Variants in RAB6A observed in about 807,000 individuals in gnomAD.
RAB6A encodes ras-related protein Rab-6A.
RAB6A carries 8 observed loss-of-function variants against 32.3 expected under a neutral mutation model. The observed-to-expected ratio is 0.25, with a 90% CI of 0.15 to 0.45. The LOEUF (loss-of-function observed/expected upper bound fraction) is 0.45. RAB6A is among the 20% of genes least tolerant of loss of function. The pLI is 1.00. For synonymous variants in RAB6A, 73 were observed against 82.1 expected, an observed-to-expected ratio of 0.89 and a Z score of 0.60; for missense variants, 104 against 249.4, an observed-to-expected ratio of 0.42 and a Z score of 3.93.
At position 73,755,866 on chromosome 11, in the gene RAB6A, GAAGAAC is replaced by G. The variant is rs1054772738; in HGVS notation, c.70+4694_70+4699del. Among the ~76,000 whole-genome samples, 10 of 109,742 alleles carry G rather than the reference GAAGAAC, an allele frequency of 9.1e-5. No individual in the cohort carries two copies. The South Asian group carries it at 1.7e-3, about 19-fold the overall frequency. 72.0% of individuals were successfully genotyped at this position (109,742 alleles called of 152,430 possible). A position where few individuals can be genotyped will look rare whatever the true frequency, so the allele number is the denominator to read the frequency against. ...AGAGAAAGAAGAGGAGGAGGAGGAA[GAAGAAC>G]AAGAGGAGGAGGAGAAGGAAGAGGA... On this transcript the variant is annotated intron_variant, in intron 1 of 7. Coordinates refer to ENST00000336083, the MANE Select transcript of RAB6A (RefSeq NM_198896.2).
rs1375517505 is a variant in RAB6A, at chr11:73,722,323, ATATATATATATATATATATATTT to A, written c.130-1447_130-1425del. 13 of 7,858 alleles carry A rather than the reference ATATATATATATATATATATATTT, an allele frequency of 1.7e-3. 2 individuals are homozygous for A. The highest frequency in any genetic ancestry group is 3.9e-3 in the African/African-American group (12 of 3,116). The allele number at this position is 7,858 out of a possible 1,614,324, so 0.5% of individuals were successfully genotyped here. ...TGTGTGTGTATATATATATATATAT[ATATATATATATATATATATATTT>A]TTTTTTTTTTTTTTTTTTTTTGAGA... On this transcript the variant is annotated intron_variant, in intron 2 of 7. Coordinates refer to ENST00000336083, the MANE Select transcript of RAB6A (RefSeq NM_198896.2).
chr11:73,749,717 C>T (rs1240629860), intron 1 of RAB6A, among the ~76,000 whole-genome samples: 1 of 152,132 alleles, frequency 6.6e-6, no homozygotes, highest in Admixed American at 6.6e-5. Flanking sequence ...TAAAAATTAG[C>T]CAGGTGTGGT....
At chr11:73,755,858 A>C (rs1409950949) in intron 1 of RAB6A, among the ~76,000 whole-genome samples, 4 of 109,252 alleles carry the variant, frequency 3.7e-5, no homozygotes, top group Non-Finnish European at 9.0e-5. Flanking sequence ...GAAGAGGAGG[A>C]GGAGGAAGAA....
At chr11:73,743,462 T>C (rs978095684) in intron 1 of RAB6A, among the ~76,000 whole-genome samples, 4 of 152,162 alleles carry the variant, frequency 2.6e-5, no homozygotes, top group African/African-American at 2.4e-5. Flanking sequence ...AGGACCTTTA[T>C]GTCAAACTTG....
At chr11:73,754,289 T>C (rs1026415563) in intron 1 of RAB6A, among the ~76,000 whole-genome samples, 5 of 152,234 alleles carry the variant, frequency 3.3e-5, no homozygotes, top group Admixed American at 3.3e-4. Context: ...ATTGACTTGA[T>C]ATTACCTAAC....
intron 6 of RAB6A, among the ~76,000 whole-genome samples, chr11:73,686,878 G>A (rs1474667488): frequency 1.3e-5 from 2 of 152,026 alleles, no homozygotes; most frequent in African/African-American, 4.8e-5. Flanking sequence ...CTACTTGGGA[G>A]TATATATTCA....
At chr11:73,747,436 A>ACCCCCCCCCCCCC (rs35103580) in intron 1 of RAB6A, among the ~76,000 whole-genome samples, 4 of 140,230 alleles carry the variant, frequency 2.9e-5, no homozygotes, top group African/African-American at 8.3e-5. Context: ...TGTGATCGGA[A>ACCCCCCCCCCCCC]CCCCCCCCCG....
intron 1 of RAB6A, among the ~76,000 whole-genome samples, chr11:73,754,412 TG>T (rs1288645987): frequency 6.6e-6 from 1 of 152,238 alleles, no homozygotes; most frequent in Non-Finnish European, 1.5e-5. Context: ...AGATGTTATT[TG>T]AATTTTTCAC....
intron 6 of RAB6A, among the ~76,000 whole-genome samples, chr11:73,694,363 G>A (rs554290833): frequency 4.6e-5 from 7 of 152,176 alleles, no homozygotes; most frequent in Non-Finnish European, 1.0e-4. Context: ...TAAAGAATTT[G>A]CCATAGACCA....
At position 73,687,091 on chromosome 11, in the gene RAB6A, T is replaced by C. The variant is rs147693354; in HGVS notation, c.496-7371A>G. On this transcript the variant is annotated intron_variant, in intron 6 of 7. Coordinates refer to ENST00000336083, the MANE Select transcript of RAB6A (RefSeq NM_198896.2). ...ACACCTACTACAATATGGATGCATCTTGAGGACATTATGCAAGTGAAACAA... is the reference window on the plus strand; with the variant it reads ...ACACCTACTACAATATGGATGCATCCTGAGGACATTATGCAAGTGAAACAA... Among the ~76,000 whole-genome samples the C allele has an allele frequency of 8.6e-3, 1,302 of 152,194 alleles. 6 individuals carry two copies. Among genetic ancestry groups the C allele is most frequent in the Non-Finnish European group, 0.015 (1,008 of 68,014 alleles).
chr11:73,695,379 G>GTTTT (rs71469463), intron 6 of RAB6A, among the ~76,000 whole-genome samples: 5 of 147,180 alleles, frequency 3.4e-5, no homozygotes, highest in Non-Finnish European at 3.0e-5. Flanking sequence ...CAGTTTTTTT[G>GTTTT]TTTTTTTTTT....
At chr11:73,705,767 TGAGAGAGAGAGAGAGAGAGAGA>T (rs3046616) in intron 6 of RAB6A, among the ~76,000 whole-genome samples, 2 of 134,728 alleles carry the variant, frequency 1.5e-5, no homozygotes, top group African/African-American at 5.7e-5. Context: ...ATAATTCCGA[TGAGAGAGAGAGAGAGAGAGAGA>T]GAGAGAGAGA....
At chr11:73,704,257 C>G in intron 6 of RAB6A, 2 of 378,284 alleles carry the variant, frequency 5.3e-6, no homozygotes, top group Non-Finnish European at 1.1e-5. Context: ...GTGGTGTGTG[C>G]CTGTAGTCCC....
At chr11:73,705,945 C>G (rs1445335783) in intron 6 of RAB6A, among the ~76,000 whole-genome samples, 1 of 151,780 alleles carries the variant, frequency 6.6e-6, no homozygotes, top group African/African-American at 2.4e-5. Context: ...GACATCTAAA[C>G]TGAAACTTAT....
At chr11:73,712,981 G>C (rs1945987692) in intron 5 of RAB6A, among the ~76,000 whole-genome samples, 1 of 152,148 alleles carries the variant, frequency 6.6e-6, no homozygotes, top group Non-Finnish European at 1.5e-5. Context: ...GATTGCCAAA[G>C]TGCTGGGAGG....
intron 6 of RAB6A, among the ~76,000 whole-genome samples, chr11:73,684,344 T>G (rs1455697344): frequency 1.3e-5 from 2 of 152,078 alleles, no homozygotes; most frequent in Non-Finnish European, 2.9e-5. Context: ...AAATTTTGTA[T>G]TTTTAGTAGA....
chr11:73,719,018 T>G, intron 3 of RAB6A: 2 of 782,990 alleles, frequency 2.6e-6, no homozygotes, highest in South Asian at 4.1e-5. Context: ...TGCAAGAGGT[T>G]GCAGGGAGTG....
At chr11:73,752,651 C>CT (rs1261326327) in intron 1 of RAB6A, among the ~76,000 whole-genome samples, 4 of 152,032 alleles carry the variant, frequency 2.6e-5, no homozygotes, top group African/African-American at 9.7e-5. Flanking sequence ...AACGCCATCT[C>CT]TACCAAAAAT....
intron 6 of RAB6A, among the ~76,000 whole-genome samples, chr11:73,691,934 C>T (rs1036713987): frequency 1.3e-5 from 2 of 152,026 alleles, no homozygotes; most frequent in African/African-American, 4.8e-5. Context: ...GATCACATCA[C>T]TGCACTCCGG....
Sources: gnomAD v4.1 joint callset for allele counts (sites outside exome capture counted in the v4.1 genomes callset) on GRCh38, gnomAD v4.1.1 for gene constraint, MANE v1.5 for transcripts, NCBI Gene and HGNC (gene_info 2026-07-23, HGNC 2026-07-21) for gene names.